GID4: variants seen among roughly 807,000 people sequenced by gnomAD.
GID4 encodes GID complex subunit 4 homolog.
GID4 carries 7 observed loss-of-function variants against 32.4 expected under a neutral mutation model. The observed-to-expected ratio is 0.22, with a 90% CI of 0.12 to 0.41. GID4 has a LOEUF of 0.41. GID4 is among the 10% of genes least tolerant of loss of function. The pLI is 1.00. For missense variants in GID4, 309 were observed against 400.0 expected, an observed-to-expected ratio of 0.77 and a Z score of 1.94; for synonymous variants, 166 against 170.0, an observed-to-expected ratio of 0.98 and a Z score of 0.18.
At chr17:18,051,802 C>T (rs185018103) in intron 2 of GID4, among the ~76,000 whole-genome samples, 153 of 140,704 alleles carry the variant, frequency 1.1e-3, no homozygotes, top group African/African-American at 3.8e-3. Context: ...CGGCTGGGTG[C>T]GGTGGCTCAC....
rs2044761265 is a variant in GID4 at position 18,039,538 on chromosome 17, C to A, written c.74C>A (p.Ser25Tyr). 1 of 1,308,268 alleles carries A rather than the reference C, an allele frequency of 7.6e-7. No individual in the cohort carries two copies. Among genetic ancestry groups the A allele is most frequent in the African/African-American group, 1.5e-5 (1 of 64,858 alleles). 81.0% of individuals were successfully genotyped at this position (1,308,268 alleles called of 1,614,324 possible). The part of the protein sequence containing the change: ...TGRPCSQVPG[S>Y]RWRPERLLRR... ...AGGCCCTGCTCGCAGGTCCCTGGGT[C>A]CCGGTGGCGGCCGGAGCGCTTGCTC... is the stretch of plus-strand genomic sequence containing the variant. The change falls in exon 1 of 6, where the codon TCC (serine) becomes TAC (tyrosine). Residue 25 changes from serine to tyrosine, a missense_variant. This residue lies in a region of GID4 where 193 missense variants were observed against 185.8 expected (regional missense o/e 1.04). Transcript: ENST00000268719. This position sits in a 1 kb window ranked among gnomAD's most constrained non-coding sequence, Gnocchi z 5.3.
At chr17:18,046,621 T>TAA (rs541538647) in intron 2 of GID4, among the ~76,000 whole-genome samples, 3 of 138,548 alleles carry the variant, frequency 2.2e-5, no homozygotes, top group Non-Finnish European at 3.1e-5. Flanking sequence ...CCTCTCTCTT[T>TAA]AAAAAAAAAA....
intron 3 of GID4, chr17:18,056,837 G>C (rs1344790451): frequency 8.4e-6 from 13 of 1,550,462 alleles, no homozygotes; most frequent in Non-Finnish European, 9.6e-6. Flanking sequence ...AACCTATGGA[G>C]TGCTTCCTCC....
intron 2 of GID4, among the ~76,000 whole-genome samples, chr17:18,051,260 C>A (rs1391953917): frequency 1.3e-5 from 2 of 152,042 alleles, no homozygotes; most frequent in Non-Finnish European, 1.5e-5. Context: ...CCTGTCTTGG[C>A]CCCCTAGAGT....
intron 2 of GID4, 82 bp from the exon 3 acceptor site, chr17:18,054,045 A>C (rs1334455780): frequency 4.0e-6 from 3 of 754,850 alleles, no homozygotes; most frequent in Non-Finnish European, 6.7e-6. Context: ...AAAGAAGTTA[A>C]AGCAAAGTTT....
In GID4 at chr17:18,067,193, C is replaced by T. The variant is rs971945148; in HGVS notation, c.*1950C>T. The T allele has an allele frequency of 5.3e-5, 8 of 152,304 alleles. 1 individual carries two copies. The highest frequency in any genetic ancestry group is 3.9e-4 in the Admixed American group (6 of 15,272). The allele number at this position is 152,304 out of a possible 1,614,324, so 9.4% of individuals were successfully genotyped here. ...TTCCTGCCGTACGTGCCATTCCACT[C>T]TCTTCAGCTCTCCCCTCAACAGCAT... is the stretch of plus-strand genomic sequence containing the variant. On this transcript the variant is annotated 3_prime_UTR_variant, in exon 6 of 6. Coordinates refer to ENST00000268719, the MANE Select transcript of GID4 (RefSeq NM_024052.5).
Position 18,061,573 on chromosome 17 carries a change from C to T in GID4, c.709-272C>T, listed in dbSNP as rs2045017973. Among the ~76,000 whole-genome samples, 1 of 152,134 alleles carries T rather than the reference C, an allele frequency of 6.6e-6. No individual in the cohort carries two copies. Among genetic ancestry groups the T allele is most frequent in the South Asian group, 2.1e-4 (1 of 4,818 alleles). On this transcript the variant is annotated intron_variant, in intron 4 of 5. Coordinates refer to ENST00000268719, the MANE Select transcript of GID4 (RefSeq NM_024052.5). This position sits in a 1 kb window ranked among gnomAD's most constrained non-coding sequence, Gnocchi z 4.4. ...GTATTGATTTATATATTAGATGTTT[C>T]GGCCATGGTACCTTCTCTGAATTGC... is the stretch of plus-strand genomic sequence containing the variant.
At chr17:18,040,331 C>T (rs1174337098) in intron 1 of GID4, among the ~76,000 whole-genome samples, 1 of 152,190 alleles carries the variant, frequency 6.6e-6, no homozygotes, top group Non-Finnish European at 1.5e-5. Flanking sequence ...TCTGGGCCCA[C>T]GTCAGATTCT....
At chr17:18,040,149 C>T (rs955560785) in intron 1 of GID4, among the ~76,000 whole-genome samples, 8 of 152,160 alleles carry the variant, frequency 5.3e-5, no homozygotes, top group Admixed American at 2.6e-4. Context: ...CACTCCCAGA[C>T]TTGAAGCCCG....
chr17:18,060,187 C>T (rs971102332), intron 4 of GID4, among the ~76,000 whole-genome samples: 1 of 151,282 alleles, frequency 6.6e-6, no homozygotes, highest in Non-Finnish European at 1.5e-5. Flanking sequence ...ATCACGAGGT[C>T]AGGAGTTCGA....
At chr17:18,062,829 A>G (rs1160017388) in intron 5 of GID4, among the ~76,000 whole-genome samples, 1 of 152,160 alleles carries the variant, frequency 6.6e-6, no homozygotes, top group African/African-American at 2.4e-5. Flanking sequence ...TAATCCCAGC[A>G]CTTTGGGAGG....
chr17:18,043,245 G>A (rs2044820677), intron 1 of GID4, among the ~76,000 whole-genome samples: 1 of 152,204 alleles, frequency 6.6e-6, no homozygotes, highest in African/African-American at 2.4e-5. Flanking sequence ...CCATTATCAA[G>A]ATCAATTTGG....
At chr17:18,063,761 A>G (rs534010746) in intron 5 of GID4, among the ~76,000 whole-genome samples, 1 of 151,812 alleles carries the variant, frequency 6.6e-6, no homozygotes, top group African/African-American at 2.4e-5. Context: ...TTTTTTTTTG[A>G]AACAAAGTCT....
At chr17:18,063,168 T>C (rs2045031305) in intron 5 of GID4, among the ~76,000 whole-genome samples, 2 of 151,244 alleles carry the variant, frequency 1.3e-5, no homozygotes, top group Middle Eastern at 3.2e-3. Flanking sequence ...TCCCAGCACT[T>C]TGGGAGGCCG....
At chr17:18,053,792 A>G (rs2044938120) in intron 2 of GID4, among the ~76,000 whole-genome samples, 1 of 152,214 alleles carries the variant, frequency 6.6e-6, no homozygotes, top group Non-Finnish European at 1.5e-5. Context: ...AAATCTACCA[A>G]GTTATGATCT....
chr17:18,057,733 A>G (rs1004410988), intron 3 of GID4, among the ~76,000 whole-genome samples: 4 of 151,980 alleles, frequency 2.6e-5, no homozygotes, highest in Non-Finnish European at 5.9e-5. Context: ...CCTGTTGTAA[A>G]TGTAGTCAGC....
At chr17:18,046,224 TG>T (rs1364083799) in intron 2 of GID4, among the ~76,000 whole-genome samples, 1 of 152,208 alleles carries the variant, frequency 6.6e-6, no homozygotes, top group Non-Finnish European at 1.5e-5. Flanking sequence ...GGAAAGGAGC[TG>T]GGGTGGCATT....
intron 2 of GID4, among the ~76,000 whole-genome samples, chr17:18,049,645 CT>C (rs879294149): frequency 5.2e-4 from 77 of 146,758 alleles, no homozygotes; most frequent in African/African-American, 7.2e-4. Context: ...TTCTTCCCTT[CT>C]TTTTTTTTTT....
chr17:18,065,170 C>T lies in GID4; in HGVS notation c.840-10C>T. 1 of 1,610,978 alleles carries T rather than the reference C, an allele frequency of 6.2e-7. No homozygotes were observed. The highest frequency in any genetic ancestry group is 8.5e-7 in the Non-Finnish European group (1 of 1,177,158). ...GACTACCTCCCGTTTCTGTCTCCTC[C>T]CCCTTGCAGGTATCAGTCCCTCAAT... On this transcript the variant is annotated splice_polypyrimidine_tract_variant and intron_variant, in intron 5 of 5. Transcript: ENST00000268719.
Sources: allele counts gnomAD v4.1 joint callset (sites outside exome capture counted in the v4.1 genomes callset), GRCh38; gene constraint gnomAD v4.1.1; regional missense constraint gnomAD v4.1.1; non-coding constraint Gnocchi (gnomAD v3.1); transcripts MANE v1.5; gene names NCBI Gene and HGNC (gene_info 2026-07-23, HGNC 2026-07-21).